TMEM266: variants seen among roughly 807,000 people sequenced by gnomAD.
TMEM266 encodes the protein transmembrane protein 266, also known as Hv1 related protein 1.
In TMEM266, 33 loss-of-function variants were observed where a neutral mutation model predicts 50.5. The observed-to-expected ratio is 0.65, with a 90% CI of 0.50 to 0.87. The LOEUF (loss-of-function observed/expected upper bound fraction) is 0.87. TMEM266 is among the 40% of genes least tolerant of loss of function. The pLI is 0.00. For missense variants in TMEM266, 655 were observed against 695.1 expected, an observed-to-expected ratio of 0.94 and a Z score of 0.65; for synonymous variants, 310 against 292.3, an observed-to-expected ratio of 1.06 and a Z score of -0.62.
At chr15:76,138,907 T>C (rs549336795) in intron 3 of TMEM266, among the ~76,000 whole-genome samples, 1 of 152,150 alleles carries the variant, frequency 6.6e-6, no homozygotes, top group Non-Finnish European at 1.5e-5. Flanking sequence ...ACCAGTTTGA[T>C]GTCCTTGATT....
chr15:76,172,645 C>T (rs1311956957), intron 7 of TMEM266, among the ~76,000 whole-genome samples: 3 of 152,168 alleles, frequency 2.0e-5, no homozygotes, highest in Non-Finnish European at 4.4e-5. Context: ...CAGAAGCCTT[C>T]GGAAGGCTGG....
At chr15:76,113,044 G>A (rs146910304) in intron 1 of TMEM266, 1,574 of 152,380 alleles carry the variant, frequency 0.01, 9 homozygotes, top group Non-Finnish European at 0.018. Context: ...GGCCAGGCGC[G>A]GTGGCTCACG....
chr15:76,169,792 C>T, intron 5 of TMEM266, 24 bp from the exon 6 acceptor site: 3 of 1,610,496 alleles, frequency 1.9e-6, no homozygotes, highest in South Asian at 2.2e-5. Flanking sequence ...GGAGAATAAC[C>T]ACTTTCTCAC....
At chr15:76,190,075 T>A (rs184075395) in intron 8 of TMEM266, among the ~76,000 whole-genome samples, 115 of 152,226 alleles carry the variant, frequency 7.6e-4, no homozygotes, top group African/African-American at 2.7e-3. Context: ...CAACAAAATA[T>A]TAAAATAAAT....
chr15:76,123,860 G>A (rs1420062294), intron 1 of TMEM266, among the ~76,000 whole-genome samples: 2 of 152,182 alleles, frequency 1.3e-5, no homozygotes, highest in Non-Finnish European at 2.9e-5. Flanking sequence ...TTACAGGTGT[G>A]TGCCACCATG....
At chr15:76,104,320 A>G (rs1168459606) in intron 1 of TMEM266, among the ~76,000 whole-genome samples, 1 of 152,256 alleles carries the variant, frequency 6.6e-6, no homozygotes, top group African/African-American at 2.4e-5. Context: ...TTAAAACTAA[A>G]TAAACTGTAA....
intron 1 of TMEM266, among the ~76,000 whole-genome samples, chr15:76,122,993 G>A (rs1456685070): frequency 1.3e-4 from 20 of 152,154 alleles, no homozygotes; most frequent in Admixed American, 1.3e-3. Flanking sequence ...ACCTTATTTT[G>A]TGTTTCCCAT....
At chr15:76,115,433 C>T (rs999463639) in intron 1 of TMEM266, among the ~76,000 whole-genome samples, 1 of 152,222 alleles carries the variant, frequency 6.6e-6, no homozygotes. Context: ...TCTCTCATCC[C>T]ACTGGCAGAC....
At chr15:76,158,824 T>C (rs1052876584) in intron 4 of TMEM266, among the ~76,000 whole-genome samples, 3 of 152,224 alleles carry the variant, frequency 2.0e-5, no homozygotes, top group Non-Finnish European at 2.9e-5. Flanking sequence ...AGGGTCGTCT[T>C]GGCCCAAAGC....
Position 76,156,708 on chromosome 15 carries a change from T to C in TMEM266, c.332T>C (p.Val111Ala). ...TTCCTGGTAGCCTGTGTAATATTGG[T>C]GGTGATTCTCCTGACTCTGGAACTT... The change falls in exon 4 of 11, where the codon GTG becomes GCG. Residue 111 changes from valine (V) to alanine (A), a missense_variant. Transcript: ENST00000388942. 1 of 1,614,184 alleles carries C rather than the reference T, an allele frequency of 6.2e-7. No individual in the cohort carries two copies. Among genetic ancestry groups the C allele is most frequent in the Non-Finnish European group, 8.5e-7 (1 of 1,180,004 alleles).
rs2036632203 is a variant in TMEM266 at position 76,078,196 on chromosome 15, T to C, written c.-97+18180T>C. On this transcript the variant is annotated intron_variant, in intron 1 of 10. Coordinates refer to ENST00000388942, the MANE Select transcript of TMEM266 (RefSeq NM_152335.3). Reference sequence around the variant, plus strand: ...AAGCTTTGTTGTGGTCCTGGAAGGGTCACTGGGCTTCCCCATGGCCCAGAT... The same window carrying C: ...AAGCTTTGTTGTGGTCCTGGAAGGGCCACTGGGCTTCCCCATGGCCCAGAT... 2.0e-5 allele frequency among the ~76,000 whole-genome samples: 3 copies of C among 151,968 alleles called. No individual in the cohort carries two copies. In the East Asian group the frequency reaches 5.8e-4, roughly 29 times the overall value.
intron 1 of TMEM266, among the ~76,000 whole-genome samples, chr15:76,072,458 A>G (rs936418809): frequency 8.6e-5 from 13 of 150,982 alleles, no homozygotes; most frequent in African/African-American, 2.9e-4. Context: ...AAAAAAAAAA[A>G]AAGAAGCAGC....
intron 1 of TMEM266, among the ~76,000 whole-genome samples, chr15:76,106,922 C>T (rs1034725089): frequency 1.3e-5 from 2 of 152,162 alleles, no homozygotes; most frequent in African/African-American, 2.4e-5. Flanking sequence ...TGTGTTCTTT[C>T]CTGCTTCTTC....
At chr15:76,072,438 CAAAAAAAAAAA>C (rs766766619) in intron 1 of TMEM266, among the ~76,000 whole-genome samples, 6 of 54,552 alleles carry the variant, frequency 1.1e-4, no homozygotes, top group Admixed American at 9.0e-4. Flanking sequence ...AAAACTCTGT[CAAAAAAAAAAA>C]AAAAAAAAAA....
At chr15:76,200,186 C>G (rs2038723351) in intron 9 of TMEM266, among the ~76,000 whole-genome samples, 1 of 152,166 alleles carries the variant, frequency 6.6e-6, no homozygotes, top group African/African-American at 2.4e-5. Flanking sequence ...ATGACCAGAG[C>G]TGCTCCACTT....
intron 3 of TMEM266, among the ~76,000 whole-genome samples, chr15:76,142,693 C>G (rs949072208): frequency 6.6e-6 from 1 of 152,202 alleles, no homozygotes; most frequent in African/African-American, 2.4e-5. Context: ...GAAGAAGGAG[C>G]AGTCGCCTTG....
At chr15:76,066,029 C>T (rs1384710646) in intron 1 of TMEM266, among the ~76,000 whole-genome samples, 1 of 152,206 alleles carries the variant, frequency 6.6e-6, no homozygotes, top group East Asian at 1.9e-4. Context: ...CTCCCTTGGG[C>T]ATGGAGCCTG....
At chr15:76,193,563 G>C (rs1177240260) in intron 9 of TMEM266, among the ~76,000 whole-genome samples, 1 of 152,174 alleles carries the variant, frequency 6.6e-6, no homozygotes, top group Non-Finnish European at 1.5e-5. Context: ...ATAGGATTTG[G>C]GGGCTAGAGG....
intron 4 of TMEM266, among the ~76,000 whole-genome samples, chr15:76,159,741 C>T (rs1188348881): frequency 2.6e-5 from 4 of 152,124 alleles, no homozygotes; most frequent in Admixed American, 6.5e-5. Context: ...GCCCAAAAGC[C>T]GTGAATGTCT....
Sources: allele counts gnomAD v4.1 joint callset (sites outside exome capture counted in the v4.1 genomes callset), GRCh38; gene constraint gnomAD v4.1.1; transcripts MANE v1.5; gene names NCBI Gene and HGNC (gene_info 2026-07-23, HGNC 2026-07-21).